The following HSPA12A variants were observed in gnomAD, a reference collection of about 807,000 sequenced individuals.
The protein encoded by HSPA12A is heat shock protein family A (Hsp70) member 12A.
HSPA12A carries 28 observed loss-of-function variants against 69.2 expected under a neutral mutation model. The ratio of observed to expected loss-of-function variants is 0.40; its 90% CI spans 0.30 to 0.55. The LOEUF (loss-of-function observed/expected upper bound fraction) is 0.55. Among genes scored for constraint, HSPA12A ranks in the 20% least tolerant of loss-of-function variants. HSPA12A has a pLI of 0.38. For missense variants in HSPA12A, 686 were observed against 900.7 expected (o/e 0.76, Z 3.05); for synonymous variants, 345 against 370.5 (o/e 0.93, Z 0.79).
At chr10:116,743,970 C>T (rs573887099), upstream of HSPA12A, among the ~76,000 whole-genome samples, 17 of 152,348 alleles carry the variant, frequency 1.1e-4, no homozygotes, top group African/African-American at 4.1e-4. Context: ...ATGCATGTAA[C>T]ATGCTTAGCT....
rs782127907 is a variant in HSPA12A at position 116,679,752 on chromosome 10, T to C, written c.1037A>G (p.Tyr346Cys). 6.8e-6 allele frequency: 11 copies of C among 1,613,236 alleles called. No homozygotes were observed. The African/African-American group carries it at 1.1e-4, about 16-fold the overall frequency. ...CTCATAATCTACTCCTAAAGATCCA[T>C]AGGGTCCGCCTGAATTGAGAACAAA... ...KELYKATGGPYGSLGVDYEFE... is the reference protein window; with the variant it reads ...KELYKATGGPCGSLGVDYEFE... The change falls in exon 10 of 12, where the codon TAT becomes TGT. Residue 346 changes from tyrosine (Y) to cysteine (C), a missense_variant. Physicochemically the swap from Tyr to Cys is radical, Grantham distance 194. Coordinates refer to ENST00000369209, the MANE Select transcript of HSPA12A (RefSeq NM_025015.3).
At chr10:116,827,471 T>G (rs2133205169) in intron 2 of HSPA12A, 1 of 152,094 alleles carries the variant, frequency 6.6e-6, no homozygotes, top group African/African-American at 2.4e-5. Flanking sequence ...ACTTTGGAGG[T>G]GTCGGTGCTA....
exon 1 of HSPA12A, chr10:116,849,666 C>T (rs749622679): frequency 6.5e-7 from 1 of 1,549,960 alleles, no homozygotes; most frequent in Non-Finnish European, 8.7e-7. Flanking sequence ...CGACGTTCCG[C>T]GCAGGCTGGA....
intron 1 of HSPA12A, among the ~76,000 whole-genome samples, chr10:116,738,922 T>TGCA (rs1554886687): frequency 6.6e-6 from 1 of 152,140 alleles, no homozygotes; most frequent in African/African-American, 2.4e-5. Context: ...GCAGACAAGT[T>TGCA]GCAGCAGCAG....
chr10:116,763,947 G>C (rs1054784925), intron 2 of HSPA12A, among the ~76,000 whole-genome samples: 4 of 152,012 alleles, frequency 2.6e-5, no homozygotes, highest in African/African-American at 9.7e-5. Flanking sequence ...TGGCGTTATT[G>C]GGGGGGCGGT....
Position 116,683,983 on chromosome 10 carries a change from C to A in HSPA12A, c.664-21G>T, listed in dbSNP as rs782458786. 7 of 1,540,678 alleles carry A rather than the reference C, an allele frequency of 4.5e-6. No individual in the cohort carries two copies. In the African/African-American group the frequency reaches 5.5e-5, roughly 12 times the overall value. Reference sequence around the variant, plus strand: ...CCTGCCTGGAAGACAGAAACAGAGGCTGGGACCCAGGGCCCCCTGGGCCGG... The same window carrying A: ...CCTGCCTGGAAGACAGAAACAGAGGATGGGACCCAGGGCCCCCTGGGCCGG... On this transcript the variant is annotated intron_variant, in intron 6 of 11. Transcript: ENST00000369209.
intron 5 of HSPA12A, among the ~76,000 whole-genome samples, chr10:116,693,682 TCAAA>T (rs1253792288): frequency 6.6e-6 from 1 of 152,222 alleles, no homozygotes; most frequent in African/African-American, 2.4e-5. Flanking sequence ...TCCTATTGTT[TCAAA>T]CAGTTATCTT....
At position 116,678,443 on chromosome 10, in the gene HSPA12A, C is replaced by A. The variant is rs536735867; in HGVS notation, c.1286+1060G>T. 1.3e-4 allele frequency among the ~76,000 whole-genome samples: 20 copies of A among 148,664 alleles called. No individual in the cohort carries two copies. In the East Asian group the frequency reaches 3.6e-3, roughly 27 times the overall value. On this transcript the variant is annotated intron_variant, in intron 10 of 11. Coordinates refer to ENST00000369209, the MANE Select transcript of HSPA12A (RefSeq NM_025015.3). The stretch of plus-strand genomic sequence containing the variant: ...AGCAAAGCCCAGATGATAGGAAACT[C>A]CAATCTAAGGACAAACTACTAGTTT...
rs183248075 is a variant in HSPA12A, at chr10:116,693,323, C to G, written c.547-856G>C. Among the ~76,000 whole-genome samples, 4 of 152,308 alleles carry G rather than the reference C, an allele frequency of 2.6e-5. No homozygotes were observed. In the East Asian group the frequency reaches 5.8e-4, roughly 22 times the overall value. On this transcript the variant is annotated intron_variant, in intron 5 of 11. Transcript: ENST00000369209. ...GGCCCATGTTGATAAAGGGGCTGGG[C>G]AGAAGCATCAGAGGTTTCCACCTGG...
At chr10:116,707,111 A>T in intron 2 of HSPA12A, 89 bp downstream of exon 2, 1 of 1,059,376 alleles carries the variant, frequency 9.4e-7, no homozygotes, top group Non-Finnish European at 1.3e-6. Context: ...CCAGAATGCA[A>T]AGGAAGTCAG....
intron 1 of HSPA12A, among the ~76,000 whole-genome samples, chr10:116,740,778 A>G (rs1851475250): frequency 6.6e-6 from 1 of 151,238 alleles, no homozygotes; most frequent in Non-Finnish European, 1.5e-5. Flanking sequence ...GGGAGTGGGT[A>G]CACATTCCTG....
chr10:116,739,130 A>G (rs1589675486), intron 1 of HSPA12A, among the ~76,000 whole-genome samples: 1 of 152,122 alleles, frequency 6.6e-6, no homozygotes, highest in Non-Finnish European at 1.5e-5. Flanking sequence ...CTGAGGGCCT[A>G]TGACATGCCA....
At chr10:116,812,657 C>T (rs1269485922) in intron 2 of HSPA12A, among the ~76,000 whole-genome samples, 1 of 151,886 alleles carries the variant, frequency 6.6e-6, no homozygotes, top group African/African-American at 2.4e-5. Flanking sequence ...CCAGGACCCA[C>T]AAGGACAAAA....
intron 1 of HSPA12A, among the ~76,000 whole-genome samples, chr10:116,708,929 A>G (rs1364956737): frequency 4.6e-5 from 7 of 152,174 alleles, no homozygotes; most frequent in African/African-American, 9.7e-5. Flanking sequence ...GGAATCCTTG[A>G]GCATTGCTAG....
chr10:116,692,807 G>A (rs1179452829), intron 5 of HSPA12A, among the ~76,000 whole-genome samples: 1 of 152,200 alleles, frequency 6.6e-6, no homozygotes, highest in Non-Finnish European at 1.5e-5. Flanking sequence ...ATAATGCCAA[G>A]CTCCAACGAT....
In HSPA12A at chr10:116,671,309, G is replaced by A. The variant is rs1849066273; in HGVS notation, c.*3472C>T. The stretch of plus-strand genomic sequence containing the variant: ...GTGAAGTTTGAATTTATCTTGTAGT[G>A]AATGAGACCCCAGTAGCTGATATTT... On this transcript the variant is annotated 3_prime_UTR_variant, in exon 12 of 12. Coordinates refer to ENST00000369209, the MANE Select transcript of HSPA12A (RefSeq NM_025015.3). 6.6e-6 allele frequency: 1 copy of A among 152,172 alleles called. No homozygotes were observed. Among genetic ancestry groups the A allele is most frequent in the African/African-American group, 2.4e-5 (1 of 41,436 alleles). 9.4% of individuals were successfully genotyped at this position (152,172 alleles called of 1,614,324 possible).
At chr10:116,834,259 C>T (rs1845670914) in intron 2 of HSPA12A, among the ~76,000 whole-genome samples, 1 of 152,200 alleles carries the variant, frequency 6.6e-6, no homozygotes. Flanking sequence ...AGAAATGACA[C>T]TTCTACAACT....
Position 116,683,788 on chromosome 10 carries a change from T to C in HSPA12A, c.835+3A>G, listed in dbSNP as rs1285784031. ...AGGAGGGGGAGAGAGAGAGCAGAGGTACCCTGTGTAAACCCAGCTCCTACT... is the reference window on the plus strand; with the variant it reads ...AGGAGGGGGAGAGAGAGAGCAGAGGCACCCTGTGTAAACCCAGCTCCTACT... On this transcript the variant is annotated splice_donor_region_variant and intron_variant, in intron 7 of 11. Transcript: ENST00000369209. 1.9e-6 allele frequency: 3 copies of C among 1,541,770 alleles called. No individual in the cohort carries two copies. Among genetic ancestry groups the C allele is most frequent in the East Asian group, 2.3e-5 (1 of 43,424 alleles).
rs146874711 is a variant in HSPA12A, at chr10:116,718,563, G to T, written c.41-11278C>A. Reference sequence around the variant, plus strand: ...TTAATGGAAGAGACATCCCAAAACAGTTGTACGGCTTGTGCACTGCACAAA... The same window carrying T: ...TTAATGGAAGAGACATCCCAAAACATTTGTACGGCTTGTGCACTGCACAAA... On this transcript the variant is annotated intron_variant, in intron 1 of 11. Coordinates refer to ENST00000369209, the MANE Select transcript of HSPA12A (RefSeq NM_025015.3). Among the ~76,000 whole-genome samples the T allele has an allele frequency of 4.6e-5, 7 of 152,250 alleles. No individual in the cohort carries two copies. The East Asian group carries it at 1.4e-3, about 30-fold the overall frequency.
Sources: allele counts gnomAD v4.1 joint callset (sites outside exome capture counted in the v4.1 genomes callset), GRCh38; gene constraint gnomAD v4.1.1; transcripts MANE v1.5; gene names NCBI Gene and HGNC (gene_info 2026-07-23, HGNC 2026-07-21).